Variants in DHRS12 observed in about 807,000 individuals in gnomAD.
The protein encoded by DHRS12 is dehydrogenase/reductase 12.
DHRS12 carries 29 observed loss-of-function variants against 32.1 expected under a neutral mutation model. The ratio of observed to expected loss-of-function variants is 0.90; its 90% CI spans 0.67 to 1.23. DHRS12 has a LOEUF of 1.23. Among genes scored for constraint, DHRS12 ranks in the 50% most tolerant of loss-of-function variants. The probability of loss-of-function intolerance (pLI) is 0.00; values close to 1 mark genes in which losing one functional copy is unlikely to be tolerated. For missense variants in DHRS12, 330 were observed against 337.2 expected (o/e 0.98, Z 0.17); for synonymous variants, 150 against 135.9 (o/e 1.10, Z -0.72).
At chr13:51,799,791 A>G (rs1003617278) in intron 1 of DHRS12, 124 bp from the exon 2 acceptor site, 1 of 1,157,364 alleles carries the variant, frequency 8.6e-7, no homozygotes, top group African/African-American at 1.5e-5. Flanking sequence ...CACATCACGA[A>G]ACTCCTTTCT....
chr13:51,787,851 AT>A (rs1955046988), intron 4 of DHRS12, among the ~76,000 whole-genome samples: 1 of 123,718 alleles, frequency 8.1e-6, no homozygotes, highest in Non-Finnish European at 1.6e-5. Context: ...ATAATATATA[AT>A]TATATATAAT....
chr13:51,769,552 C>A (rs1466964488), intron 7 of DHRS12, among the ~76,000 whole-genome samples: 1 of 152,126 alleles, frequency 6.6e-6, no homozygotes, highest in African/African-American at 2.4e-5. Context: ...CACCAGCACC[C>A]AGCCCAGCCC....
intron 7 of DHRS12, 92 bp downstream of exon 7, chr13:51,771,729 T>C (rs1194086581): frequency 2.0e-6 from 3 of 1,496,324 alleles, no homozygotes; most frequent in Non-Finnish European, 2.8e-6. Flanking sequence ...TACGCTGGTT[T>C]TAGGTCATTC....
chr13:51,803,983 A>C (rs1955877836), intron 1 of DHRS12, 71 bp downstream of exon 1: 2 of 1,342,464 alleles, frequency 1.5e-6, no homozygotes, highest in African/African-American at 1.5e-5. Flanking sequence ...CGTCCCCGCC[A>C]ACCCTGCTCG....
rs201713739 is a variant in DHRS12, at chr13:51,769,265, G to A, written c.588C>T (p.His196=). The A allele has an allele frequency of 1.9e-6, 3 of 1,584,918 alleles. No homozygotes were observed. The highest frequency in any genetic ancestry group is 1.7e-6 in the Non-Finnish European group (2 of 1,164,832). ...PGVRQAMPGF[H]ARFGDRLRSE... ...AGCGCAGGCGGTCCCCGAACCTGGC[G>A]TGGAACCCCGGCATCGCCTGCCTCA... Residue 196 remains histidine (H), a synonymous_variant, in exon 8 of 9, where the codon CAC becomes CAT. Coordinates refer to ENST00000444610, the MANE Select transcript of DHRS12 (RefSeq NM_001377533.1).
At chr13:51,800,541 C>A (rs74086298) in intron 1 of DHRS12, among the ~76,000 whole-genome samples, 2 of 152,190 alleles carry the variant, frequency 1.3e-5, no homozygotes, top group African/African-American at 4.8e-5. Context: ...CTCTCACCTA[C>A]GGAGCCGAGA....
At chr13:51,767,261 C>G (rs1404160587), downstream of DHRS12, 1 of 152,288 alleles carries the variant, frequency 6.6e-6, no homozygotes, top group Non-Finnish European at 1.5e-5. Context: ...CCCAGCATTG[C>G]TGAGGCCCAT....
Position 51,771,857 on chromosome 13 carries a change from A to T in DHRS12, c.523T>A (p.Phe175Ile). 1 of 1,614,132 alleles carries T rather than the reference A, an allele frequency of 6.2e-7. No individual in the cohort carries two copies. The highest frequency in any genetic ancestry group is 8.5e-7 in the Non-Finnish European group (1 of 1,180,018). ...GCCCAGCCAGGATGCATGGAAGAAA[A>T]ATGGATGGCCGGGTGCCCTTGGGCC... ...RWAQGHPAIHFSSMHPGWADT... is the reference protein window; with the variant it reads ...RWAQGHPAIHISSMHPGWADT... The change falls in exon 7 of 9, where the codon TTT becomes ATT. Residue 175 changes from phenylalanine (F) to isoleucine (I), a missense_variant. Coordinates refer to ENST00000444610, the MANE Select transcript of DHRS12 (RefSeq NM_001377533.1).
chr13:51,799,653 G>A lies in DHRS12; in HGVS notation c.7C>T (p.Leu3=). 6.2e-7 allele frequency: 1 copy of A among 1,614,010 alleles called. No individual in the cohort carries two copies. Among genetic ancestry groups the A allele is most frequent in the Non-Finnish European group, 8.5e-7 (1 of 1,180,010 alleles). Residue 3 remains leucine (L), a synonymous_variant, in exon 2 of 9, where the codon CTG becomes TTG. Coordinates refer to ENST00000444610, the MANE Select transcript of DHRS12 (RefSeq NM_001377533.1). ...ATGAGGGACAAAGTCTTTACATGCA[G>A]ATTCATAGCCACTCCTAGAAAGAGG... The part of the protein sequence containing the change: MN[L]HVKTLSLMTW...
intron 1 of DHRS12, among the ~76,000 whole-genome samples, chr13:51,800,349 GTTCT>G (rs1955695637): frequency 6.6e-6 from 1 of 152,250 alleles, no homozygotes; most frequent in Admixed American, 6.5e-5. Flanking sequence ...GCAATTGTGA[GTTCT>G]TTAACTGTTT....
intron 8 of DHRS12, chr13:51,768,932 G>A: frequency 7.2e-7 from 1 of 1,397,258 alleles, no homozygotes; most frequent in South Asian, 1.6e-5. Flanking sequence ...ACAGGACCTT[G>A]ATGACAGGGT....
chr13:51,802,308 A>G (rs151241039), intron 1 of DHRS12, among the ~76,000 whole-genome samples: 4 of 152,298 alleles, frequency 2.6e-5, no homozygotes, highest in African/African-American at 9.6e-5. Context: ...CTGCATCAGC[A>G]TCATCTGGAA....
intron 4 of DHRS12, among the ~76,000 whole-genome samples, chr13:51,778,199 A>T (rs1189502614): frequency 6.6e-6 from 1 of 152,248 alleles, no homozygotes; most frequent in East Asian, 1.9e-4. Flanking sequence ...AGGAGATAAT[A>T]GCTGGCCAGC....
At chr13:51,791,126 A>T in intron 3 of DHRS12, 39 bp downstream of exon 3, 1 of 1,405,494 alleles carries the variant, frequency 7.1e-7, no homozygotes, top group Non-Finnish European at 9.8e-7. Flanking sequence ...ACAATGGGCC[A>T]ACATGAATTT....
At chr13:51,804,028 C>G in intron 1 of DHRS12, 26 bp downstream of exon 1, 5 of 1,463,552 alleles carry the variant, frequency 3.4e-6, no homozygotes, top group Non-Finnish European at 4.5e-6. Context: ...CAGCCCGGGG[C>G]CCCGCGCCCC....
At chr13:51,774,059 A>G (rs1304934473) in intron 5 of DHRS12, 25 bp from the exon 6 acceptor site, 1 of 1,608,716 alleles carries the variant, frequency 6.2e-7, no homozygotes. Context: ...ACAGAGATTT[A>G]CAAACTAAAG....
At chr13:51,786,170 G>A (rs749334395) in intron 4 of DHRS12, among the ~76,000 whole-genome samples, 60 of 152,164 alleles carry the variant, frequency 3.9e-4, no homozygotes, top group African/African-American at 1.4e-3. Context: ...GAACTTCCTC[G>A]CCTCCTGCCA....
chr13:51,784,164 C>T (rs912987968), intron 4 of DHRS12, among the ~76,000 whole-genome samples: 2 of 152,156 alleles, frequency 1.3e-5, no homozygotes, highest in South Asian at 2.1e-4. Context: ...TGTGACTGAG[C>T]GCCTCCTGAG....
chr13:51,764,213 G>A (rs1208201534), downstream of DHRS12: 1 of 152,184 alleles, frequency 6.6e-6, no homozygotes. Flanking sequence ...TTTAGGCACT[G>A]GCAGTGCAAG....
Sources: gnomAD v4.1 joint callset for allele counts (sites outside exome capture counted in the v4.1 genomes callset) on GRCh38, gnomAD v4.1.1 for gene constraint, MANE v1.5 for transcripts, NCBI Gene and HGNC (gene_info 2026-07-23, HGNC 2026-07-21) for gene names.